Variants in MTHFD2L observed in about 807,000 individuals in gnomAD.
MTHFD2L encodes the protein methylenetetrahydrofolate dehydrogenase (NADP+ dependent) 2 like.
In MTHFD2L, 29 loss-of-function variants were observed where a neutral mutation model predicts 34.9. The ratio of observed to expected loss-of-function variants is 0.83; its 90% confidence interval spans 0.62 to 1.13. MTHFD2L has a LOEUF of 1.13. Ranked by LOEUF, MTHFD2L falls within the 50% of genes most tolerant of loss-of-function variation. The pLI, the probability that MTHFD2L is intolerant of heterozygous loss-of-function variation, is 0.00. For missense variants in MTHFD2L, 481 were observed against 446.5 expected (o/e 1.08, Z -0.70); for synonymous variants, 167 against 155.7 (o/e 1.07, Z -0.54).
chr4:74,117,587 A>G (rs1238277075), intron 2 of MTHFD2L, among the ~76,000 whole-genome samples: 1 of 152,190 alleles, frequency 6.6e-6, no homozygotes, highest in Non-Finnish European at 1.5e-5. Context: ...GGATCTATAT[A>G]TAGATCAATA....
chr4:74,243,799 A>G (rs1742040395), intron 6 of MTHFD2L, among the ~76,000 whole-genome samples: 2 of 152,172 alleles, frequency 1.3e-5, no homozygotes, highest in Admixed American at 1.3e-4. Context: ...TAAAGAGAGC[A>G]TTTTTATTCT....
At chr4:74,132,109 T>C (rs1722555786) in intron 1 of MTHFD2L, among the ~76,000 whole-genome samples, 3 of 152,048 alleles carry the variant, frequency 2.0e-5, no homozygotes, top group African/African-American at 7.2e-5. Context: ...GAAGAGGAAG[T>C]GGAGAAATAG....
chr4:74,240,778 A>T (rs1319467465), intron 6 of MTHFD2L, among the ~76,000 whole-genome samples: 1 of 152,174 alleles, frequency 6.6e-6, no homozygotes, highest in African/African-American at 2.4e-5. Flanking sequence ...ATTTCCAATC[A>T]CTGGCAAGAT....
chr4:74,128,925 A>T (rs903064431), intron 1 of MTHFD2L, among the ~76,000 whole-genome samples: 1 of 152,072 alleles, frequency 6.6e-6, no homozygotes, highest in Non-Finnish European at 1.5e-5. Context: ...GTAAGGACTT[A>T]CTACTGACAA....
chr4:74,140,081 C>A (rs1336408385), intron 1 of MTHFD2L, among the ~76,000 whole-genome samples: 1 of 151,888 alleles, frequency 6.6e-6, no homozygotes, highest in Admixed American at 6.6e-5. Context: ...TTTAGGAGGC[C>A]CAGGTGGGTG....
In MTHFD2L at chr4:74,270,919, C is replaced by T. The variant is rs188181064; in HGVS notation, c.806-10506C>T. Among the ~76,000 whole-genome samples the T allele has an allele frequency of 2.2e-3, 327 of 151,988 alleles. 3 individuals carry two copies. The highest frequency in any genetic ancestry group is 2.0e-3 in the Non-Finnish European group (134 of 67,992). Reference sequence around the variant, plus strand: ...TTTTGATTTGCATTTCTCTGATGGCCAGTGAGGATGAGCATTTTTTCATGT... The same window carrying T: ...TTTTGATTTGCATTTCTCTGATGGCTAGTGAGGATGAGCATTTTTTCATGT... On this transcript the variant is annotated intron_variant, in intron 6 of 7. Transcript: ENST00000325278.
At chr4:74,293,345 A>C (rs866101165) in intron 7 of MTHFD2L, 1 of 165,506 alleles carries the variant, frequency 6.0e-6, no homozygotes, top group Non-Finnish European at 1.2e-5. Flanking sequence ...GTTTACATCT[A>C]TAATACAGAT....
intron 6 of MTHFD2L, 103 bp downstream of exon 6, chr4:74,225,497 G>T: frequency 1.2e-6 from 1 of 841,162 alleles, no homozygotes; most frequent in Non-Finnish European, 2.0e-6. Context: ...TTAGCTTTAT[G>T]TATGACTAAC....
At chr4:74,184,130 C>T (rs781411414) in intron 3 of MTHFD2L, among the ~76,000 whole-genome samples, 19 of 152,056 alleles carry the variant, frequency 1.2e-4, no homozygotes, top group Non-Finnish European at 2.5e-4. Context: ...CACAGATATT[C>T]AGTTAATCTA....
chr4:74,260,524 A>G (rs952089215), intron 6 of MTHFD2L, among the ~76,000 whole-genome samples: 7 of 152,114 alleles, frequency 4.6e-5, no homozygotes, highest in South Asian at 2.1e-4. Flanking sequence ...GGCACTCACT[A>G]TAGAATGAAT....
chr4:74,176,268 A>T (rs981401238), intron 3 of MTHFD2L, among the ~76,000 whole-genome samples: 2 of 152,044 alleles, frequency 1.3e-5, no homozygotes, highest in African/African-American at 4.8e-5. Flanking sequence ...AACTCCATTT[A>T]CATTAAATTA....
At chr4:74,294,465 G>A (rs781735506) in intron 7 of MTHFD2L, among the ~76,000 whole-genome samples, 4 of 152,088 alleles carry the variant, frequency 2.6e-5, no homozygotes, top group Non-Finnish European at 5.9e-5. Flanking sequence ...GAGACACCCT[G>A]TCATGAAGGA....
chr4:74,167,251 G>A (rs556670217), intron 1 of MTHFD2L, among the ~76,000 whole-genome samples: 2 of 152,282 alleles, frequency 1.3e-5, no homozygotes, highest in African/African-American at 4.8e-5. Context: ...GGGCCATGCC[G>A]GATGGCCCAT....
chr4:74,223,396 T>TA (rs1738573301), intron 5 of MTHFD2L, among the ~76,000 whole-genome samples: 2 of 151,922 alleles, frequency 1.3e-5, no homozygotes, highest in Admixed American at 6.6e-5. Flanking sequence ...TGCTCTCACT[T>TA]ATAAGTAGGA....
upstream of MTHFD2L, among the ~76,000 whole-genome samples, chr4:74,119,934 C>A (rs1158117220): frequency 6.6e-6 from 1 of 151,982 alleles, no homozygotes; most frequent in Non-Finnish European, 1.5e-5. Flanking sequence ...TGCTTCACTG[C>A]ATGGAAACCA....
rs1260319700 is a variant in MTHFD2L at position 74,145,102 on chromosome 4, A to C, written c.-296-14953A>C. Among the ~76,000 whole-genome samples the C allele has an allele frequency of 2.0e-5, 3 of 152,146 alleles. No individual in the cohort carries two copies. The East Asian group carries it at 5.8e-4, about 29-fold the overall frequency. On this transcript the variant is annotated intron_variant, in intron 1 of 7. Coordinates refer to the MTHFD2L transcript ENST00000433372. ...TGAAATAGAGAAAGATTGCTTCAAC[A>C]TTGCAGTAGGTTCCAACCATAAAAG...
In MTHFD2L at chr4:74,126,862, C is replaced by T. The variant is rs563797161; in HGVS notation, c.-297+1345C>T. On this transcript the variant is annotated intron_variant, in intron 1 of 7. Transcript: ENST00000433372. ...CATTCATGATATGGTTTGGCTGTTT[C>T]CCCATCCAAATCTCATCTTGAATTT... 1.9e-3 allele frequency among the ~76,000 whole-genome samples: 282 copies of T among 152,046 alleles called. 1 individual carries two copies. The highest frequency in any genetic ancestry group is 3.4e-3 in the Middle Eastern group (1 of 294).
At chr4:74,170,627 T>A (rs1727718008) in intron 1 of MTHFD2L, among the ~76,000 whole-genome samples, 1 of 151,608 alleles carries the variant, frequency 6.6e-6, no homozygotes, top group African/African-American at 2.4e-5. Flanking sequence ...TCTAAAAACA[T>A]GAGAATAAAA....
intron 7 of MTHFD2L, among the ~76,000 whole-genome samples, chr4:74,288,763 C>A (rs916259026): frequency 6.6e-6 from 1 of 152,178 alleles, no homozygotes; most frequent in Non-Finnish European, 1.5e-5. Flanking sequence ...CTTAGATACA[C>A]AGATTTGCAA....
Sources: gnomAD v4.1 joint callset for allele counts (sites outside exome capture counted in the v4.1 genomes callset) on GRCh38, gnomAD v4.1.1 for gene constraint, MANE v1.5 for transcripts, NCBI Gene and HGNC (gene_info 2026-07-23, HGNC 2026-07-21) for gene names.